SH3RF3: variants seen among roughly 807,000 people sequenced by gnomAD.
The protein encoded by SH3RF3 is SH3 domain containing ring finger 3.
Under a neutral mutation model 66.3 loss-of-function variants are expected in SH3RF3, and 29 were observed. The ratio of observed to expected loss-of-function variants is 0.44; its 90% CI spans 0.33 to 0.60. The LOEUF (loss-of-function observed/expected upper bound fraction) is 0.60. SH3RF3 is among the 20% of genes least tolerant of loss of function. SH3RF3 has a pLI of 0.04. For missense variants in SH3RF3, 1,194 were observed against 1,190.9 expected (o/e 1.00, Z -0.04); for synonymous variants, 583 against 532.0 (o/e 1.10, Z -1.32).
intron 1 of SH3RF3, among the ~76,000 whole-genome samples, chr2:109,261,820 C>G (rs150085019): frequency 3.5e-4 from 53 of 152,166 alleles, no homozygotes; most frequent in Admixed American, 5.9e-4. Flanking sequence ...AGCCTCCCCA[C>G]CCCTTCACTT....
chr2:109,349,132 A>T (rs1402531372), intron 2 of SH3RF3, among the ~76,000 whole-genome samples: 1 of 149,488 alleles, frequency 6.7e-6, no homozygotes, highest in African/African-American at 2.5e-5. Flanking sequence ...CTGAGAGGCC[A>T]TTGCTCTCTC....
chr2:109,434,406 C>T lies in SH3RF3; in HGVS notation c.1574+1735C>T, dbSNP rs1029073648. The stretch of plus-strand genomic sequence containing the variant: ...CTTTATCTTTACCTGAGAACTTCCG[C>T]AGACCTTCAGAGATGTAAAGCCTGC... On this transcript the variant is annotated intron_variant, in intron 6 of 9. Transcript: ENST00000309415. 5.3e-4 allele frequency among the ~76,000 whole-genome samples: 81 copies of T among 152,200 alleles called. 2 individuals are homozygous for T. Among genetic ancestry groups the T allele is most frequent in the African/African-American group, 1.9e-3 (79 of 41,448 alleles).
intron 3 of SH3RF3, among the ~76,000 whole-genome samples, chr2:109,392,590 G>C (rs1311393372): frequency 6.6e-6 from 1 of 152,036 alleles, no homozygotes; most frequent in East Asian, 1.9e-4. Flanking sequence ...CTCACTGCAA[G>C]CTCAAGCTCC....
intron 1 of SH3RF3, among the ~76,000 whole-genome samples, chr2:109,160,370 G>T (rs1677461445): frequency 6.6e-6 from 1 of 152,230 alleles, no homozygotes; most frequent in Admixed American, 6.5e-5. Context: ...ACATTTGTGT[G>T]CCCAAAGCAG....
chr2:109,146,902 G>A (rs1188607400), intron 1 of SH3RF3, among the ~76,000 whole-genome samples: 1 of 26,744 alleles, frequency 3.7e-5, no homozygotes, highest in East Asian at 1.2e-3. Flanking sequence ...CCCCCCCCCC[G>A]CCCCAATATC....
chr2:109,140,097 C>T (rs1167149245), intron 1 of SH3RF3, among the ~76,000 whole-genome samples: 2 of 152,200 alleles, frequency 1.3e-5, no homozygotes, highest in Admixed American at 6.5e-5. Flanking sequence ...TCCACTTAGT[C>T]CTGGGAGGCC....
intron 8 of SH3RF3, among the ~76,000 whole-genome samples, chr2:109,466,805 G>C (rs1010778787): frequency 5.3e-5 from 8 of 151,980 alleles, no homozygotes; most frequent in African/African-American, 1.5e-4. Context: ...ATCTATATGT[G>C]TGTATGTCTA....
At chr2:109,358,276 C>A (rs1363551869) in intron 2 of SH3RF3, among the ~76,000 whole-genome samples, 1 of 152,146 alleles carries the variant, frequency 6.6e-6, no homozygotes, top group African/African-American at 2.4e-5. Context: ...GGATGTACCA[C>A]AGTTTGTTTA....
intron 1 of SH3RF3, among the ~76,000 whole-genome samples, chr2:109,338,434 T>C (rs893777401): frequency 6.8e-6 from 1 of 147,172 alleles, no homozygotes; most frequent in Non-Finnish European, 1.5e-5. Context: ...TAGGGAAACT[T>C]TTTTTTTTTT....
At chr2:109,233,187 T>G (rs550725766) in intron 1 of SH3RF3, among the ~76,000 whole-genome samples, 3 of 152,198 alleles carry the variant, frequency 2.0e-5, no homozygotes, top group Non-Finnish European at 2.9e-5. Context: ...GGGTGACAGC[T>G]TCTTACACCT....
intron 9 of SH3RF3, among the ~76,000 whole-genome samples, chr2:109,498,270 A>G (rs758323931): frequency 2.1e-4 from 32 of 152,152 alleles, no homozygotes; most frequent in Non-Finnish European, 4.3e-4. Flanking sequence ...GTTGGCTGGT[A>G]TTCGGGACTG....
At position 109,369,172 on chromosome 2, in the gene SH3RF3, G is replaced by A. The variant is rs6711077; in HGVS notation, c.850-2414G>A. 5.5e-3 allele frequency among the ~76,000 whole-genome samples: 831 copies of A among 150,676 alleles called. 6 individuals carry two copies. Among genetic ancestry groups the A allele is most frequent in the African/African-American group, 0.018 (755 of 41,038 alleles). ...ATCCTGGCCAACATGGTGAAACCCC[G>A]TCTCTTCTTAAAAAAAAAAAAAAAA... On this transcript the variant is annotated intron_variant, in intron 2 of 9. Transcript: ENST00000309415.
In SH3RF3 at chr2:109,129,622, G is replaced by A. The variant is rs1180475579; in HGVS notation, c.82G>A (p.Gly28Ser). 6.7e-7 allele frequency: 1 copy of A among 1,490,980 alleles called. No individual in the cohort carries two copies. Among genetic ancestry groups the A allele is most frequent in the Admixed American group, 2.2e-5 (1 of 44,914 alleles). 92.4% of individuals were successfully genotyped at this position (1,490,980 alleles called of 1,614,324 possible). A position where few individuals can be genotyped will look rare whatever the true frequency, so the allele number is the denominator to read the frequency against. Reference protein sequence around the residue: ...AQSEGDEDRPGERRRRRAAAT... With the variant: ...AQSEGDEDRPSERRRRRAAAT... Reference sequence around the variant, plus strand: ...GAGCGAGGGCGACGAGGACAGGCCAGGCGAGCGACGGCGGCGTCGGGCGGC... The same window carrying A: ...GAGCGAGGGCGACGAGGACAGGCCAAGCGAGCGACGGCGGCGTCGGGCGGC... The change falls in exon 1 of 10, where the codon GGC (glycine) becomes AGC (serine). Residue 28 changes from glycine (G) to serine (S), a missense_variant. By Grantham distance (56) the Gly-to-Ser change is moderately conservative (BLOSUM62 0). Coordinates refer to ENST00000309415, the MANE Select transcript of SH3RF3 (RefSeq NM_001099289.3).
chr2:109,490,155 C>T (rs1330688154), intron 8 of SH3RF3, among the ~76,000 whole-genome samples: 2 of 152,244 alleles, frequency 1.3e-5, no homozygotes, highest in Non-Finnish European at 2.9e-5. Flanking sequence ...ACCCATCTTA[C>T]AACTGAGATG....
chr2:109,431,798 G>A (rs572399375), intron 5 of SH3RF3, among the ~76,000 whole-genome samples: 27 of 152,100 alleles, frequency 1.8e-4, no homozygotes, highest in Admixed American at 9.2e-4. Context: ...TTGAGCCCAG[G>A]CCATTGAGGC....
intron 3 of SH3RF3, among the ~76,000 whole-genome samples, chr2:109,378,472 T>G (rs1325133808): frequency 6.6e-6 from 1 of 152,228 alleles, no homozygotes; most frequent in Non-Finnish European, 1.5e-5. Context: ...CTGCATGGGC[T>G]TATGGAGCTG....
intron 5 of SH3RF3, among the ~76,000 whole-genome samples, chr2:109,429,529 C>A (rs1677131573): frequency 6.6e-6 from 1 of 152,150 alleles, no homozygotes; most frequent in South Asian, 2.1e-4. Flanking sequence ...ACGCGTTGGC[C>A]ACACCGGGCC....
At chr2:109,461,472 C>T (rs566776339) in intron 8 of SH3RF3, among the ~76,000 whole-genome samples, 38 of 98,672 alleles carry the variant, frequency 3.9e-4, no homozygotes, top group African/African-American at 1.5e-3. Context: ...AGAGGCCCCA[C>T]GTAGCATCCC....
intron 2 of SH3RF3, among the ~76,000 whole-genome samples, chr2:109,352,025 GGTAGA>G (rs1682849499): frequency 6.6e-6 from 1 of 152,210 alleles, no homozygotes; most frequent in Non-Finnish European, 1.5e-5. Context: ...TCTAGCATGA[GGTAGA>G]CACAGATTCA....
Sources: gnomAD v4.1 joint callset for allele counts (sites outside exome capture counted in the v4.1 genomes callset) on GRCh38, gnomAD v4.1.1 for gene constraint, MANE v1.5 for transcripts, NCBI Gene and HGNC (gene_info 2026-07-23, HGNC 2026-07-21) for gene names.